TNNI3K: variants seen among roughly 807,000 people sequenced by gnomAD.
TNNI3K encodes the protein TNNI3 interacting kinase, also known as serine/threonine-protein kinase TNNI3K.
A neutral mutation model predicts 114.5 loss-of-function variants in TNNI3K; 140 were observed. The observed-to-expected ratio is 1.22, with a 90% CI of 1.07 to 1.41. The LOEUF (loss-of-function observed/expected upper bound fraction) is 1.41, where lower values mean the gene tolerates loss of function less well. TNNI3K is among the 40% of genes most tolerant of loss of function. The pLI is 0.00. For missense variants in TNNI3K, 1,125 were observed against 1,007.6 expected (o/e 1.12, Z -1.58); for synonymous variants, 347 against 347.5 (o/e 1.00, Z 0.02).
chr1:74,259,924 T>TA (rs1348891810), intron 4 of TNNI3K, among the ~76,000 whole-genome samples: 8 of 152,236 alleles, frequency 5.3e-5, no homozygotes, highest in African/African-American at 1.9e-4. Context: ...TGTACATTTT[T>TA]AAAAAAATCT....
chr1:74,473,598 G>A (rs78430300), intron 21 of TNNI3K, among the ~76,000 whole-genome samples: 2 of 151,514 alleles, frequency 1.3e-5, no homozygotes, highest in Non-Finnish European at 2.9e-5. Flanking sequence ...GTAGACAGGA[G>A]ATGTACTCTC....
intron 4 of TNNI3K, among the ~76,000 whole-genome samples, chr1:74,255,161 C>T (rs1655196429): frequency 2.6e-5 from 4 of 151,652 alleles, no homozygotes; most frequent in African/African-American, 2.4e-5. Context: ...GAGACCATCC[C>T]GGCTAAAATG....
At chr1:74,469,161 C>T (rs186912325) in intron 21 of TNNI3K, 1 of 152,596 alleles carries the variant, frequency 6.6e-6, no homozygotes, top group Admixed American at 6.5e-5. Context: ...TCTTCAAGCC[C>T]TGTTCTTCTA....
intron 17 of TNNI3K, among the ~76,000 whole-genome samples, chr1:74,427,234 A>C (rs1051559251): frequency 2.6e-5 from 4 of 152,182 alleles, no homozygotes; most frequent in African/African-American, 9.6e-5. Context: ...TAGTATATTC[A>C]AAACTGAATA....
intron 23 of TNNI3K, among the ~76,000 whole-genome samples, chr1:74,499,731 T>C (rs1487625697): frequency 1.3e-5 from 2 of 152,132 alleles, no homozygotes; most frequent in Non-Finnish European, 2.9e-5. Flanking sequence ...TATAGGTCAA[T>C]ATGAAAAGAT....
At chr1:74,243,557 A>G (rs936398388) in intron 2 of TNNI3K, among the ~76,000 whole-genome samples, 3 of 152,134 alleles carry the variant, frequency 2.0e-5, no homozygotes, top group Non-Finnish European at 4.4e-5. Flanking sequence ...TTTTTGGCCA[A>G]CTGTTCAAAT....
At chr1:74,465,993 A>G (rs1667663021) in intron 21 of TNNI3K, among the ~76,000 whole-genome samples, 1 of 152,142 alleles carries the variant, frequency 6.6e-6, no homozygotes, top group South Asian at 2.1e-4. Flanking sequence ...TCTTAGCGAT[A>G]AGTCTTGCTG....
At chr1:74,342,090 C>T (rs1660773937) in intron 7 of TNNI3K, 2 of 152,128 alleles carry the variant, frequency 1.3e-5, no homozygotes, top group Admixed American at 1.3e-4. Flanking sequence ...TAGCTGCAAA[C>T]AGATCTTGGA....
intron 21 of TNNI3K, chr1:74,480,408 T>G (rs1668429085): frequency 1.4e-6 from 1 of 717,420 alleles, no homozygotes; most frequent in Admixed American, 2.0e-5. Flanking sequence ...CAAGTGCAGC[T>G]CCACTGGTTC....
At chr1:74,361,306 T>C (rs1178088930) in intron 11 of TNNI3K, among the ~76,000 whole-genome samples, 8 of 152,100 alleles carry the variant, frequency 5.3e-5, no homozygotes, top group Admixed American at 6.6e-5. Flanking sequence ...CAGTCTCAAC[T>C]ATCCTGACTC....
intron 11 of TNNI3K, among the ~76,000 whole-genome samples, chr1:74,357,155 T>C (rs776059171): frequency 3.7e-4 from 57 of 152,112 alleles, no homozygotes; most frequent in Admixed American, 1.7e-3. Flanking sequence ...TTAATTGATA[T>C]AGCATACTAA....
chr1:74,273,192 C>T (rs989888870), intron 5 of TNNI3K, among the ~76,000 whole-genome samples: 7 of 151,868 alleles, frequency 4.6e-5, no homozygotes, highest in South Asian at 2.1e-4. Flanking sequence ...TAAAATATCT[C>T]GTTGAGAGCA....
At chr1:74,352,219 T>C (rs1557514750) in intron 9 of TNNI3K, among the ~76,000 whole-genome samples, 1 of 152,190 alleles carries the variant, frequency 6.6e-6, no homozygotes, top group Non-Finnish European at 1.5e-5. Context: ...CTGTTGGAGT[T>C]TACTGGAGGT....
chr1:74,485,537 C>T (rs1298250621), intron 21 of TNNI3K, among the ~76,000 whole-genome samples: 2 of 152,120 alleles, frequency 1.3e-5, no homozygotes, highest in Non-Finnish European at 2.9e-5. Context: ...CCCTGGTGTA[C>T]ATGCCATGTA....
At chr1:74,248,179 G>T (rs540905048) in intron 2 of TNNI3K, among the ~76,000 whole-genome samples, 1 of 152,200 alleles carries the variant, frequency 6.6e-6, no homozygotes, top group Admixed American at 6.5e-5. Flanking sequence ...CCCAGGGCTG[G>T]TGGCACCAGC....
rs192960027 is a variant in TNNI3K at position 74,493,902 on chromosome 1, T to A, written c.2351+1636T>A. On this transcript the variant is annotated intron_variant, in intron 23 of 24. Transcript: ENST00000326637. ...ACATCAATAGGAAGAAAAAATATACTTGATTTTTAGTGGGAAGAATTGCAA... is the reference window on the plus strand; with the variant it reads ...ACATCAATAGGAAGAAAAAATATACATGATTTTTAGTGGGAAGAATTGCAA... 1.4e-3 allele frequency among the ~76,000 whole-genome samples: 211 copies of A among 152,318 alleles called. 3 individuals are homozygous for A. The highest frequency in any genetic ancestry group is 3.7e-4 in the Non-Finnish European group (25 of 68,030).
chr1:74,336,134 G>A lies in TNNI3K; in HGVS notation c.667G>A (p.Gly223Ser), dbSNP rs1443982998. ...LNIAKLLMEE[G>S]SKADVNAQDN... ...TATTGCAAAACTCTTGATGGAAGAAGGCAGCAAAGCAGATGGTAAGATTAT... is the reference window on the plus strand; with the variant it reads ...TATTGCAAAACTCTTGATGGAAGAAAGCAGCAAAGCAGATGGTAAGATTAT... The change falls in exon 7 of 25, where the codon GGC (glycine) becomes AGC (serine). Residue 223 changes from glycine to serine, a missense_variant. Physicochemically the swap from Gly to Ser is moderately conservative, Grantham distance 56. Coordinates refer to ENST00000326637, the MANE Select transcript of TNNI3K (RefSeq NM_015978.3). 1 of 1,602,856 alleles carries A rather than the reference G, an allele frequency of 6.2e-7. No individual in the cohort carries two copies. Among genetic ancestry groups the A allele is most frequent in the South Asian group, 1.1e-5 (1 of 88,542 alleles).
chr1:74,289,479 A>G (rs1441008924), intron 5 of TNNI3K, among the ~76,000 whole-genome samples: 2 of 3,464 alleles, frequency 5.8e-4, no homozygotes, highest in African/African-American at 3.8e-4. Flanking sequence ...ACTCACCCAT[A>G]GGTAGTGTCA....
chr1:74,263,982 C>A (rs1293974654), intron 4 of TNNI3K, among the ~76,000 whole-genome samples: 1 of 151,718 alleles, frequency 6.6e-6, no homozygotes, highest in East Asian at 1.9e-4. Flanking sequence ...TAAATCATCT[C>A]TATATTATTA....
Sources: gnomAD v4.1 joint callset for allele counts (sites outside exome capture counted in the v4.1 genomes callset) on GRCh38, gnomAD v4.1.1 for gene constraint, MANE v1.5 for transcripts, NCBI Gene and HGNC (gene_info 2026-07-23, HGNC 2026-07-21) for gene names.